CFAP74: variants seen among roughly 807,000 people sequenced by gnomAD.
The protein encoded by CFAP74 is cilia and flagella associated protein 74.
In CFAP74, 124 loss-of-function variants were observed where a neutral mutation model predicts 188.9. The ratio of observed to expected loss-of-function variants is 0.66; its 90% CI spans 0.57 to 0.76. The LOEUF is 0.76. CFAP74 is among the 30% of genes least tolerant of loss of function. The pLI is 0.00. For synonymous variants in CFAP74, 956 were observed against 916.7 expected, an observed-to-expected ratio of 1.04 and a Z score of -0.77; for missense variants, 2,198 against 2,165.2, an observed-to-expected ratio of 1.02 and a Z score of -0.30.
Position 1,926,951 on chromosome 1 carries a change from C to T in CFAP74, c.3605G>A (p.Cys1202Tyr). Residue 1202 changes from cysteine to tyrosine, a missense_variant, in exon 29 of 39, where the codon TGT becomes TAT. Physicochemically the swap from Cys to Tyr is radical, Grantham distance 194 (BLOSUM62 -2). Transcript: ENST00000682832. ...TTTGATGTCGCCACTGGCAACAACA[C>T]AGGGAACTACAAATGTGTCAAACTT... ...QAKFDTFVVP[C>Y]VVASGDIKDR... 6.5e-7 allele frequency: 1 copy of T among 1,550,286 alleles called. No homozygotes were observed. Among genetic ancestry groups the T allele is most frequent in the Non-Finnish European group, 8.7e-7 (1 of 1,146,900 alleles).
chr1:1,949,381 A>G (rs1654063660), intron 18 of CFAP74, among the ~76,000 whole-genome samples: 1 of 151,936 alleles, frequency 6.6e-6, no homozygotes, highest in African/African-American at 2.4e-5. Context: ...GCTGGTCTTG[A>G]ACTCCTGACC....
chr1:1,969,052 T>C (rs1204503114), intron 10 of CFAP74, among the ~76,000 whole-genome samples: 2 of 152,148 alleles, frequency 1.3e-5, no homozygotes, highest in Non-Finnish European at 2.9e-5. Flanking sequence ...TTCCTGGTCC[T>C]GGAGCTAAAC....
At chr1:1,937,249 G>A (rs1280837385) in intron 25 of CFAP74, among the ~76,000 whole-genome samples, 3 of 152,376 alleles carry the variant, frequency 2.0e-5, no homozygotes, top group East Asian at 1.9e-4. Flanking sequence ...AGGAGCCAGC[G>A]TGGCTTTTGA....
chr1:1,924,537 G>C lies in CFAP74; in HGVS notation c.4105-17C>G. On this transcript the variant is annotated splice_polypyrimidine_tract_variant and intron_variant, in intron 33 of 38. Transcript: ENST00000682832. ...GTTCTGCAGCTGCAGAGAGCAGGCC[G>C]CGGTCACTGCCCGCCAGCCCCTGCC... 2 of 1,588,104 alleles carry C rather than the reference G, an allele frequency of 1.3e-6. No homozygotes were observed. Among genetic ancestry groups the C allele is most frequent in the Non-Finnish European group, 1.7e-6 (2 of 1,168,168 alleles).
chr1:1,981,052 G>C (rs1421359941), intron 6 of CFAP74, among the ~76,000 whole-genome samples: 1 of 152,214 alleles, frequency 6.6e-6, no homozygotes, highest in African/African-American at 2.4e-5. Flanking sequence ...CACAACGGAG[G>C]CCTCCCGGGA....
At chr1:1,990,847 C>A in intron 2 of CFAP74, 43 bp downstream of exon 2, 1 of 1,517,656 alleles carries the variant, frequency 6.6e-7, no homozygotes, top group Non-Finnish European at 9.1e-7. Flanking sequence ...ATTTGTTTGT[C>A]TTTTTGCTGA....
At chr1:1,948,413 A>ATATG (rs1491501404) in intron 18 of CFAP74, among the ~76,000 whole-genome samples, 1 of 3,714 alleles carries the variant, frequency 2.7e-4, no homozygotes, top group African/African-American at 7.0e-3. Context: ...GCATATATAA[A>ATATG]TATATATATA....
chr1:1,987,178 CT>C, intron 4 of CFAP74, 143 bp from the exon 5 acceptor site: 1 of 609,148 alleles, frequency 1.6e-6, no homozygotes, highest in Non-Finnish European at 2.9e-6. Context: ...TCTCTAACAC[CT>C]TCAAGCCACA....
chr1:1,952,974 G>A (rs1048562966), intron 18 of CFAP74, among the ~76,000 whole-genome samples: 3 of 152,124 alleles, frequency 2.0e-5, no homozygotes, highest in African/African-American at 7.2e-5. Flanking sequence ...CTGTTAAGAT[G>A]TCAGTTCTCC....
intron 25 of CFAP74, among the ~76,000 whole-genome samples, chr1:1,934,822 G>A (rs527920212): frequency 2.8e-4 from 39 of 139,878 alleles, no homozygotes; most frequent in Non-Finnish European, 4.8e-4. Flanking sequence ...TGGGTGTTAC[G>A]TTGTAGGTAC....
At chr1:1,998,231 T>G (rs1162470115) in intron 1 of CFAP74, among the ~76,000 whole-genome samples, 1 of 152,122 alleles carries the variant, frequency 6.6e-6, no homozygotes, top group Non-Finnish European at 1.5e-5. Context: ...TGAGCCAAGA[T>G]CGTGCCATTG....
At chr1:1,970,962 TCACACATGCACACCTGCA>T (rs1655938756) in intron 9 of CFAP74, 146 bp from the exon 10 acceptor site, 5 of 936,508 alleles carry the variant, frequency 5.3e-6, no homozygotes, top group South Asian at 3.1e-5. Context: ...CATGCACACA[TCACACATGCACACCTGCA>T]CACACGTGCA....
intron 33 of CFAP74, among the ~76,000 whole-genome samples, chr1:1,924,803 C>T (rs1651730879): frequency 6.6e-6 from 1 of 152,248 alleles, no homozygotes; most frequent in South Asian, 2.1e-4. Context: ...GAGTCTCGCT[C>T]AGGCCCAGCT....
intron 1 of CFAP74, among the ~76,000 whole-genome samples, chr1:1,993,764 C>CTT (rs374345114): frequency 0.17 from 23,894 of 140,772 alleles, 1 homozygote; most frequent in South Asian, 0.19. Flanking sequence ...AGGTGGATCA[C>CTT]GAGGTCAGGA....
rs745376475 is a variant in CFAP74 at position 1,972,043 on chromosome 1, G to A, written c.825C>T (p.His275=). 25 of 1,612,918 alleles carry A rather than the reference G, an allele frequency of 1.5e-5. No individual in the cohort carries two copies. In the East Asian group the frequency reaches 2.9e-4, roughly 19 times the overall value. The change falls in exon 9 of 39, where the codon CAC becomes CAT. Residue 275 remains histidine (H), a synonymous_variant. Transcript: ENST00000682832. ...EQEKKEEMEC[H]EYMRRRMDAV... is the part of the protein sequence containing the mutation. ...CATCCATGCGTCGCCTCATGTACTC[G>A]TGGCACTCCATCTCCTCCTTCTTCT...
chr1:1,977,683 T>C (rs1656538920), intron 6 of CFAP74, among the ~76,000 whole-genome samples: 1 of 152,118 alleles, frequency 6.6e-6, no homozygotes, highest in Admixed American at 6.5e-5. Context: ...GATGTGGACA[T>C]GCCACCAGCT....
Position 1,930,106 on chromosome 1 carries a change from G to A in CFAP74, c.3242C>T (p.Ser1081Leu), listed in dbSNP as rs187948972. 39 of 1,534,426 alleles carry A rather than the reference G, an allele frequency of 2.5e-5. No individual in the cohort carries two copies. In the African/African-American group the frequency reaches 4.4e-4, roughly 17 times the overall value. ...CACTGAGGGCGAGATGGTGATAGGC[G>A]AGTCTGGGGGCAGCAGGAACTCGAA... is the stretch of plus-strand genomic sequence containing the variant. The part of the protein sequence containing the change: ...TSFEFLLPPD[S>L]PITISPSVGT... The change falls in exon 26 of 39, where the codon TCG becomes TTG. Residue 1081 changes from serine to leucine, a missense_variant. By Grantham distance (145) the Ser-to-Leu change is moderately radical. Coordinates refer to ENST00000682832, the MANE Select transcript of CFAP74 (RefSeq NM_001304360.2).
intron 1 of CFAP74, among the ~76,000 whole-genome samples, chr1:1,992,778 A>T (rs1657664302): frequency 6.6e-6 from 1 of 151,992 alleles, no homozygotes. Context: ...CTGGCCCAAA[A>T]ACAATTCTTA....
In CFAP74 at chr1:1,922,649, G is replaced by C; in HGVS notation, c.4758C>G (p.Ser1586=). The change falls in exon 38 of 39, where the codon TCC becomes TCG. Residue 1586 remains serine (S), a synonymous_variant. Coordinates refer to ENST00000682832, the MANE Select transcript of CFAP74 (RefSeq NM_001304360.2). ...KGFSIEPSRG[S]VERGQTKTIS... is the part of the protein sequence containing the mutation. Reference sequence around the variant, plus strand: ...TGGTCTTCGTCTGGCCGCGCTCCACGGAGCCCCTGGAGGGCTCAATAGAGA... The same window carrying C: ...TGGTCTTCGTCTGGCCGCGCTCCACCGAGCCCCTGGAGGGCTCAATAGAGA... 6.2e-7 allele frequency: 1 copy of C among 1,603,498 alleles called. No homozygotes were observed. The highest frequency in any genetic ancestry group is 8.5e-7 in the Non-Finnish European group (1 of 1,174,400).
Sources: allele counts gnomAD v4.1 joint callset (sites outside exome capture counted in the v4.1 genomes callset), GRCh38; gene constraint gnomAD v4.1.1; transcripts MANE v1.5; gene names NCBI Gene and HGNC (gene_info 2026-07-23, HGNC 2026-07-21).